The following ANKS1B variants were observed in gnomAD, a reference collection of about 807,000 sequenced individuals.
ANKS1B encodes the protein ankyrin repeat and sterile alpha motif domain containing 1B.
In ANKS1B, 36 loss-of-function variants were observed where a neutral mutation model predicts 148.3. That is an observed-to-expected ratio of 0.24 (90% confidence interval 0.19 to 0.32). The LOEUF (loss-of-function observed/expected upper bound fraction) is 0.32, where lower values mean the gene tolerates loss of function less well. Among genes scored for constraint, ANKS1B ranks in the 10% least tolerant of loss-of-function variants. The probability of loss-of-function intolerance (pLI) is 1.00; values close to 1 mark genes in which losing one functional copy is unlikely to be tolerated. For synonymous variants in ANKS1B, 542 were observed against 560.8 expected (o/e 0.97, Z 0.47); for missense variants, 1,157 against 1,542.6 (o/e 0.75, Z 4.19).
At chr12:99,315,930 C>G (rs1177639388) in intron 12 of ANKS1B, among the ~76,000 whole-genome samples, 1 of 152,018 alleles carries the variant, frequency 6.6e-6, no homozygotes, top group Non-Finnish European at 1.5e-5. Flanking sequence ...GTTTGGTTTT[C>G]TGTCCTTGCA....
intron 1 of ANKS1B, among the ~76,000 whole-genome samples, chr12:99,946,811 G>A (rs1214144384): frequency 6.6e-6 from 1 of 152,102 alleles, no homozygotes; most frequent in Non-Finnish European, 1.5e-5. Flanking sequence ...ACATGGCATG[G>A]CTAGACCATT....
intron 17 of ANKS1B, among the ~76,000 whole-genome samples, chr12:99,040,886 G>T (rs2099958517): frequency 6.6e-6 from 1 of 152,180 alleles, no homozygotes. Context: ...AATCATGATA[G>T]CAAAGGCATA....
At position 99,245,484 on chromosome 12, in the gene ANKS1B, T is replaced by C. The variant is rs866649145; in HGVS notation, c.2346+791A>G. Among the ~76,000 whole-genome samples, 8 of 152,214 alleles carry C rather than the reference T, an allele frequency of 5.3e-5. No homozygotes were observed. The South Asian group carries it at 8.3e-4, about 16-fold the overall frequency. On this transcript the variant is annotated intron_variant, in intron 13 of 26. Transcript: ENST00000683438. ...GAAAGGACAATGGGCATTACTTAAATGTCCCAGTTTGTTCACCCTGAAACA... is the reference window on the plus strand; with the variant it reads ...GAAAGGACAATGGGCATTACTTAAACGTCCCAGTTTGTTCACCCTGAAACA...
At chr12:99,410,918 GT>G (rs1463202847) in intron 11 of ANKS1B, among the ~76,000 whole-genome samples, 4 of 152,172 alleles carry the variant, frequency 2.6e-5, no homozygotes, top group African/African-American at 9.7e-5. Context: ...CACTCACAGG[GT>G]GAGGGCAGAT....
At chr12:99,266,692 G>A (rs1330579781) in intron 12 of ANKS1B, among the ~76,000 whole-genome samples, 4 of 152,228 alleles carry the variant, frequency 2.6e-5, no homozygotes, top group South Asian at 4.2e-4. Context: ...CCACTACCAA[G>A]TCTACAGTCA....
At chr12:99,696,316 T>C (rs1166707252) in intron 8 of ANKS1B, among the ~76,000 whole-genome samples, 2 of 152,176 alleles carry the variant, frequency 1.3e-5, no homozygotes, top group Non-Finnish European at 2.9e-5. Context: ...CTTCATATCA[T>C]TCCTACTCGA....
At chr12:99,037,991 C>T (rs564807455) in intron 17 of ANKS1B, among the ~76,000 whole-genome samples, 5 of 152,228 alleles carry the variant, frequency 3.3e-5, no homozygotes, top group South Asian at 4.2e-4. Context: ...AACTCCAGGC[C>T]GGCTGCTTGA....
intron 12 of ANKS1B, among the ~76,000 whole-genome samples, chr12:99,339,898 T>C (rs1192522924): frequency 6.6e-6 from 1 of 152,110 alleles, no homozygotes; most frequent in African/African-American, 2.4e-5. Context: ...TAGGTCTCAA[T>C]CCTGTATACT....
In ANKS1B at chr12:98,867,901, ATAC is replaced by A. The variant is rs971641173; in HGVS notation, c.2779-35768_2779-35766del. On this transcript the variant is annotated intron_variant, in intron 17 of 26. Transcript: ENST00000683438. Reference sequence around the variant, plus strand: ...GAATATAAGTCAGTTTTCTTTCTGGATACTACTTCGTAAAGCTTCTGCCGTTTA... The same window carrying A: ...GAATATAAGTCAGTTTTCTTTCTGGATACTTCGTAAAGCTTCTGCCGTTTA... Among the ~76,000 whole-genome samples the A allele has an allele frequency of 4.6e-5, 7 of 151,744 alleles. No homozygotes were observed. The South Asian group carries it at 1.2e-3, about 27-fold the overall frequency.
chr12:99,501,487 G>A (rs2096655250), intron 10 of ANKS1B, among the ~76,000 whole-genome samples: 1 of 152,132 alleles, frequency 6.6e-6, no homozygotes, highest in Non-Finnish European at 1.5e-5. Context: ...GTGGCAATCT[G>A]TGAGGGCTAG....
At chr12:99,379,378 A>ATGCTCTG (rs1231546824) in intron 12 of ANKS1B, among the ~76,000 whole-genome samples, 1 of 152,234 alleles carries the variant, frequency 6.6e-6, no homozygotes, top group East Asian at 1.9e-4. Flanking sequence ...AGTCAGTTAT[A>ATGCTCTG]TGCTCTGTGC....
intron 12 of ANKS1B, among the ~76,000 whole-genome samples, chr12:99,360,300 T>G (rs1412153502): frequency 6.6e-6 from 1 of 152,164 alleles, no homozygotes; most frequent in Non-Finnish European, 1.5e-5. Context: ...GATTACAGAC[T>G]CTTCAAAGTC....
At chr12:99,891,516 G>A (rs567790888) in intron 1 of ANKS1B, among the ~76,000 whole-genome samples, 14 of 151,924 alleles carry the variant, frequency 9.2e-5, no homozygotes, top group African/African-American at 2.4e-4. Flanking sequence ...CACCATGCCC[G>A]GCCCTCGTTG....
chr12:98,745,099 ATTCT>A lies in ANKS1B; in HGVS notation c.*636_*639del. The A allele has an allele frequency of 1.0e-6, 1 of 985,882 alleles. No homozygotes were observed. Among genetic ancestry groups the A allele is most frequent in the Non-Finnish European group, 1.2e-6 (1 of 829,930 alleles). The allele number at this position is 985,882 out of a possible 1,614,324, so 61.1% of individuals were successfully genotyped here. On this transcript the variant is annotated 3_prime_UTR_variant, in exon 27 of 27. Transcript: ENST00000683438. ...ATAATAAATTCCTCTGCTTTGAATC[ATTCT>A]TTCCTTTTGAACCAATCATTTGGTT...
chr12:99,979,634 T>TCATCA (rs2095669319), intron 1 of ANKS1B, among the ~76,000 whole-genome samples: 1 of 152,060 alleles, frequency 6.6e-6, no homozygotes, highest in Non-Finnish European at 1.5e-5. Context: ...TTGCCAATAC[T>TCATCA]AGGAATTACC....
intron 17 of ANKS1B, among the ~76,000 whole-genome samples, chr12:98,922,580 C>T (rs542176867): frequency 5.9e-5 from 9 of 152,256 alleles, no homozygotes; most frequent in African/African-American, 1.9e-4. Context: ...CTCACTGCAA[C>T]CTCTGCCTCC....
chr12:99,254,143 C>T (rs2074979974), intron 12 of ANKS1B, among the ~76,000 whole-genome samples: 2 of 152,276 alleles, frequency 1.3e-5, no homozygotes, highest in South Asian at 4.1e-4. Context: ...GGTAAACCAG[C>T]ACATCTTGAA....
rs999311466 is a variant in ANKS1B, at chr12:99,245,757, T to C, written c.2346+518A>G. On this transcript the variant is annotated intron_variant, in intron 13 of 26. Coordinates refer to ENST00000683438, the MANE Select transcript of ANKS1B (RefSeq NM_001352186.2). ...ATTTGAACCTCAAACATTTTTTTCT[T>C]TATTTCCCTGATAGCTGCAAAAGGG... is the stretch of plus-strand genomic sequence containing the variant. Among the ~76,000 whole-genome samples the C allele has an allele frequency of 8.5e-5, 13 of 152,330 alleles. No homozygotes were observed. The East Asian group carries it at 2.3e-3, about 27-fold the overall frequency.
intron 9 of ANKS1B, among the ~76,000 whole-genome samples, chr12:99,530,189 G>T (rs987926266): frequency 6.6e-6 from 1 of 152,208 alleles, no homozygotes; most frequent in Non-Finnish European, 1.5e-5. Context: ...GTGGCAAAGA[G>T]GTCATGCAAA....
Sources: allele counts gnomAD v4.1 joint callset (sites outside exome capture counted in the v4.1 genomes callset), GRCh38; gene constraint gnomAD v4.1.1; transcripts MANE v1.5; gene names NCBI Gene and HGNC (gene_info 2026-07-23, HGNC 2026-07-21).